The following SMCO4 variants were observed in gnomAD, a reference collection of about 807,000 sequenced individuals.
SMCO4 encodes single-pass membrane protein with coiled-coil domains 4.
In SMCO4, 4 loss-of-function variants were observed where a neutral mutation model predicts 3.6. The ratio of observed to expected loss-of-function variants is 1.11; its 90% CI spans 0.54 to 2.53. SMCO4 has a LOEUF of 2.53. Among genes scored for constraint, SMCO4 ranks in the 30% most tolerant of loss-of-function variants. SMCO4 has a pLI of 0.02. For missense variants in SMCO4, 70 were observed against 80.8 expected (o/e 0.87, Z 0.51); for synonymous variants, 36 against 35.3 (o/e 1.02, Z -0.07).
intron 2 of SMCO4, among the ~76,000 whole-genome samples, chr11:93,486,119 A>G (rs1168312122): frequency 6.6e-6 from 1 of 152,184 alleles, no homozygotes; most frequent in East Asian, 1.9e-4. Flanking sequence ...TGAATGCTCA[A>G]TACCTATCAA....
rs918873487 is a variant in SMCO4, at chr11:93,479,227, A to T, written c.-38T>A. The T allele has an allele frequency of 1.3e-6, 2 of 1,595,386 alleles. No homozygotes were observed. Among genetic ancestry groups the T allele is most frequent in the East Asian group, 4.5e-5 (2 of 44,642 alleles). On this transcript the variant is annotated 5_prime_UTR_variant, in exon 3 of 3. Transcript: ENST00000298966. ...ATGCTAGGAGGGTGTGTCCAGAGGG[A>T]TTCCAGGAAGGGCCACACTCCTCTT...
chr11:93,530,333 T>C (rs753820501), intron 1 of SMCO4, among the ~76,000 whole-genome samples: 25 of 152,096 alleles, frequency 1.6e-4, no homozygotes, highest in Admixed American at 3.3e-4. Flanking sequence ...CTGTTTGCTC[T>C]CTCTTCTTCG....
intron 1 of SMCO4, among the ~76,000 whole-genome samples, chr11:93,525,540 C>T (rs1228036237): frequency 3.3e-5 from 5 of 152,110 alleles, no homozygotes; most frequent in Non-Finnish European, 4.4e-5. Context: ...CCCCCCATTC[C>T]TAAAGGGTTT....
At chr11:93,496,256 G>A (rs2605612) in intron 2 of SMCO4, among the ~76,000 whole-genome samples, 43,898 of 152,044 alleles carry the variant, frequency 0.29, 7,056 homozygotes, top group East Asian at 0.48. Flanking sequence ...CTTGGGGGGC[G>A]GATACAGGAA....
intron 2 of SMCO4, among the ~76,000 whole-genome samples, chr11:93,488,885 G>A (rs1259624650): frequency 6.6e-6 from 1 of 152,144 alleles, no homozygotes; most frequent in Non-Finnish European, 1.5e-5. Flanking sequence ...ACTGAAAAGG[G>A]AGTCAAGAAG....
chr11:93,497,806 T>C (rs951047834), intron 2 of SMCO4, among the ~76,000 whole-genome samples: 5 of 152,216 alleles, frequency 3.3e-5, no homozygotes, highest in Non-Finnish European at 7.3e-5. Context: ...TGCCGACGTG[T>C]GTCAAAGCAC....
At chr11:93,526,934 C>A (rs1416928289) in intron 1 of SMCO4, among the ~76,000 whole-genome samples, 1 of 152,214 alleles carries the variant, frequency 6.6e-6, no homozygotes, top group Non-Finnish European at 1.5e-5. Flanking sequence ...TATCTGAGCT[C>A]TAGGCCATTG....
At chr11:93,493,074 G>T (rs759954145) in intron 2 of SMCO4, among the ~76,000 whole-genome samples, 1 of 152,146 alleles carries the variant, frequency 6.6e-6, no homozygotes, top group Non-Finnish European at 1.5e-5. Flanking sequence ...ATAAATATTT[G>T]ATCTTTAATT....
intron 1 of SMCO4, among the ~76,000 whole-genome samples, chr11:93,529,376 G>C (rs537746524): frequency 6.6e-6 from 1 of 152,198 alleles, no homozygotes; most frequent in African/African-American, 2.4e-5. Flanking sequence ...CTACGGAAGA[G>C]CAGCTGCTCC....
intron 1 of SMCO4, among the ~76,000 whole-genome samples, chr11:93,501,638 G>A (rs181882677): frequency 3.3e-5 from 5 of 152,238 alleles, no homozygotes; most frequent in Admixed American, 2.6e-4. Flanking sequence ...AATAATCCAG[G>A]ATGATCTCAT....
intron 2 of SMCO4, among the ~76,000 whole-genome samples, chr11:93,483,512 G>A (rs189972145): frequency 2.6e-5 from 4 of 152,332 alleles, no homozygotes; most frequent in African/African-American, 9.6e-5. Flanking sequence ...CCAGGTGGGA[G>A]AGAGGCCTGG....
chr11:93,551,460 T>C, the SMCO4 span, among the ~76,000 whole-genome samples: 1 of 152,186 alleles, frequency 6.6e-6, no homozygotes, highest in South Asian at 2.1e-4. Flanking sequence ...CTTGGGGCCC[T>C]GTCTCCCCAG....
At chr11:93,553,179 T>C in the SMCO4 span, among the ~76,000 whole-genome samples, 2 of 152,240 alleles carry the variant, frequency 1.3e-5, no homozygotes, top group Admixed American at 1.3e-4. Context: ...ATAGTACATC[T>C]AAAACTGAAG....
intron 1 of SMCO4, among the ~76,000 whole-genome samples, chr11:93,529,764 C>T (rs541249305): frequency 6.6e-6 from 1 of 152,338 alleles, no homozygotes; most frequent in South Asian, 2.1e-4. Flanking sequence ...CGACACAGGC[C>T]ACAGACCAGC....
chr11:93,546,943 C>T (rs1346016319), upstream of SMCO4, among the ~76,000 whole-genome samples: 1 of 152,174 alleles, frequency 6.6e-6, no homozygotes, highest in Non-Finnish European at 1.5e-5. Flanking sequence ...CTTCCACATG[C>T]TGTTCCTTCC....
the SMCO4 span, among the ~76,000 whole-genome samples, chr11:93,551,629 T>G: frequency 1.3e-5 from 2 of 152,220 alleles, no homozygotes; most frequent in Admixed American, 6.5e-5. Flanking sequence ...CCTGTGCATA[T>G]GCAGTCTCTG....
chr11:93,543,540 C>T (rs1949291886), upstream of SMCO4: 1 of 152,732 alleles, frequency 6.5e-6, no homozygotes. Flanking sequence ...TTCCGAGCGA[C>T]CTGGGTTCTC....
Position 93,505,856 on chromosome 11 carries a change from AATGATGATG to A in SMCO4, c.-153-6517_-153-6509del, listed in dbSNP as rs61060663. 1.1e-3 allele frequency among the ~76,000 whole-genome samples: 161 copies of A among 149,682 alleles called. 3 individuals carry two copies. The highest frequency in any genetic ancestry group is 3.4e-3 in the African/African-American group (138 of 40,554). On this transcript the variant is annotated intron_variant, in intron 1 of 2. Coordinates refer to ENST00000298966, the MANE Select transcript of SMCO4 (RefSeq NM_020179.3). ...AAAGAAAAATGTATTAAGCCCTTGC[AATGATGATG>A]ATGATGATGATGATGATGATGATGA...
chr11:93,552,469 A>ATTATTC, the SMCO4 span, among the ~76,000 whole-genome samples: 1 of 139,470 alleles, frequency 7.2e-6, no homozygotes, highest in Non-Finnish European at 1.5e-5. Context: ...TATTATTATT[A>ATTATTC]TTATTATTAT....
Sources: allele counts gnomAD v4.1 joint callset (sites outside exome capture counted in the v4.1 genomes callset), GRCh38; gene constraint gnomAD v4.1.1; transcripts MANE v1.5; gene names NCBI Gene and HGNC (gene_info 2026-07-23, HGNC 2026-07-21).